Variants in LGR5 observed in about 807,000 individuals in gnomAD.
LGR5 encodes leucine rich repeat containing G protein-coupled receptor 5, also known as leucine-rich repeat-containing G protein-coupled receptor 5.
A neutral mutation model predicts 76.7 loss-of-function variants in LGR5; 54 were observed. The ratio of observed to expected loss-of-function variants is 0.70; its 90% confidence interval spans 0.57 to 0.88. LGR5 has a LOEUF of 0.88. LGR5 is among the 40% of genes least tolerant of loss of function. LGR5 has a pLI of 0.00. For synonymous variants in LGR5, 406 were observed against 421.9 expected, an observed-to-expected ratio of 0.96 and a Z score of 0.46; for missense variants, 1,078 against 1,073.3, an observed-to-expected ratio of 1.00 and a Z score of -0.06.
chr12:71,469,549 C>G (rs1873007206), intron 1 of LGR5, among the ~76,000 whole-genome samples: 1 of 152,224 alleles, frequency 6.6e-6, no homozygotes, highest in South Asian at 2.1e-4. Flanking sequence ...TGACAGTGAT[C>G]TGACAGAAAG....
In LGR5 at chr12:71,517,002, T is replaced by TA. The variant is rs11321068; in HGVS notation, c.285-7389dup. On this transcript the variant is annotated intron_variant, in intron 2 of 17. Transcript: ENST00000266674. ...GAAATAATAATTTTAGAAACAGCATTAAAAAAAAAAAAAAACTTCTGACCA... is the reference window on the plus strand; with the variant it reads ...GAAATAATAATTTTAGAAACAGCATTAAAAAAAAAAAAAAAACTTCTGACCA... Among the ~76,000 whole-genome samples, 830 of 144,632 alleles carry TA rather than the reference T, an allele frequency of 5.7e-3. 5 individuals carry two copies. The highest frequency in any genetic ancestry group is 0.014 in the African/African-American group (533 of 39,368). 94.9% of individuals were successfully genotyped at this position (144,632 alleles called of 152,430 possible).
rs1173849099 is a variant in LGR5, at chr12:71,584,500, T to A, written c.2490T>A (p.Asp830Glu). Reference protein sequence around the residue: ...YILFNPHFKEDLVSLRKQTYV... With the variant: ...YILFNPHFKEELVSLRKQTYV... Reference sequence around the variant, plus strand: ...TGTTCAATCCTCACTTTAAGGAGGATCTGGTGAGCCTGAGAAAGCAAACCT... The same window carrying A: ...TGTTCAATCCTCACTTTAAGGAGGAACTGGTGAGCCTGAGAAAGCAAACCT... Residue 830 changes from aspartate to glutamate, a missense_variant, in exon 18 of 18, where the codon GAT becomes GAA. Asp to Glu is a conservative substitution (Grantham distance 45). Coordinates refer to ENST00000266674, the MANE Select transcript of LGR5 (RefSeq NM_003667.4). The A allele has an allele frequency of 6.2e-7, 1 of 1,614,188 alleles. No individual in the cohort carries two copies. The highest frequency in any genetic ancestry group is 8.5e-7 in the Non-Finnish European group (1 of 1,180,030).
intron 1 of LGR5, among the ~76,000 whole-genome samples, chr12:71,486,847 C>T (rs1053628783): frequency 2.0e-5 from 3 of 151,932 alleles, no homozygotes; most frequent in African/African-American, 7.3e-5. Flanking sequence ...AAGAGGGGCT[C>T]TTACAATAGA....
intron 1 of LGR5, among the ~76,000 whole-genome samples, chr12:71,474,695 C>T (rs1012910101): frequency 6.6e-6 from 1 of 152,176 alleles, no homozygotes; most frequent in South Asian, 2.1e-4. Context: ...TTTCACATGA[C>T]AGTATGTGGA....
chr12:71,469,418 A>G (rs1872997236), intron 1 of LGR5, among the ~76,000 whole-genome samples: 1 of 152,204 alleles, frequency 6.6e-6, no homozygotes, highest in African/African-American at 2.4e-5. Flanking sequence ...GAGATGAGTC[A>G]CTGTGTGCTG....
chr12:71,572,913 C>T lies in LGR5; in HGVS notation c.1200C>T (p.Leu400=), dbSNP rs1384473812. 1 of 1,613,092 alleles carries T rather than the reference C, an allele frequency of 6.2e-7. No individual in the cohort carries two copies. Among genetic ancestry groups the T allele is most frequent in the African/African-American group, 1.3e-5 (1 of 74,916 alleles). Residue 400 remains leucine, a synonymous_variant, in exon 13 of 18, where the codon CTC becomes CTT. Coordinates refer to ENST00000266674, the MANE Select transcript of LGR5 (RefSeq NM_003667.4). The part of the protein sequence containing the change: ...KVDTFQQLLS[L]RSLNLAWNKI... ...ACACTTTCCAGCAGTTGCTTAGCCT[C>T]CGATCGCTGTGAGTATCACCTCCCA...
intron 1 of LGR5, among the ~76,000 whole-genome samples, chr12:71,491,404 G>A (rs1340529425): frequency 6.6e-6 from 1 of 151,012 alleles, no homozygotes; most frequent in Non-Finnish European, 1.5e-5. Flanking sequence ...CTTTTTTTTT[G>A]TTCAGGTGAG....
At chr12:71,548,029 A>G (rs1877282127) in intron 4 of LGR5, among the ~76,000 whole-genome samples, 1 of 152,148 alleles carries the variant, frequency 6.6e-6, no homozygotes, top group Non-Finnish European at 1.5e-5. Context: ...TATAGTGATC[A>G]CTTTTCAGAT....
chr12:71,530,143 A>G (rs998385283), intron 3 of LGR5, among the ~76,000 whole-genome samples: 15 of 152,146 alleles, frequency 9.9e-5, no homozygotes, highest in Non-Finnish European at 2.1e-4. Flanking sequence ...TTTTTCTTTG[A>G]AATAATGTGT....
At chr12:71,511,490 T>A (rs75444391) in intron 2 of LGR5, among the ~76,000 whole-genome samples, 1,903 of 152,220 alleles carry the variant, frequency 0.013, 17 homozygotes, top group Middle Eastern at 0.037. Flanking sequence ...AGGCTAGTGG[T>A]TCTCGAAATC....
chr12:71,507,614 G>A (rs571607909), intron 2 of LGR5, among the ~76,000 whole-genome samples: 1 of 152,218 alleles, frequency 6.6e-6, no homozygotes, highest in South Asian at 2.1e-4. Context: ...GTCCAAAATA[G>A]TCTTCGATAA....
At chr12:71,543,690 G>T (rs1876997196) in intron 4 of LGR5, among the ~76,000 whole-genome samples, 1 of 152,208 alleles carries the variant, frequency 6.6e-6, no homozygotes, top group South Asian at 2.1e-4. Flanking sequence ...GCAGCCTACA[G>T]GATTAATTGA....
At chr12:71,480,437 T>A (rs890442563) in intron 1 of LGR5, among the ~76,000 whole-genome samples, 12 of 149,312 alleles carry the variant, frequency 8.0e-5, no homozygotes, top group Non-Finnish European at 1.2e-4. Flanking sequence ...CTAGAGAGAG[T>A]TGGTGAACGC....
chr12:71,504,404 T>C (rs1213559150), intron 1 of LGR5, among the ~76,000 whole-genome samples: 2 of 152,144 alleles, frequency 1.3e-5, no homozygotes, highest in East Asian at 3.8e-4. Flanking sequence ...AAGTTCCTCC[T>C]AGGGTCTCTA....
At chr12:71,457,736 T>C (rs1872542134) in intron 1 of LGR5, among the ~76,000 whole-genome samples, 1 of 152,172 alleles carries the variant, frequency 6.6e-6, no homozygotes, top group African/African-American at 2.4e-5. Context: ...GGTGCAATTA[T>C]TGTCTGGTCC....
intron 1 of LGR5, chr12:71,448,776 T>C (rs1872128531): frequency 2.6e-5 from 4 of 152,266 alleles, no homozygotes; most frequent in Non-Finnish European, 5.9e-5. Flanking sequence ...TATTTCACAG[T>C]ATTTGTTGAG....
chr12:71,462,739 G>T (rs148224113), intron 1 of LGR5, among the ~76,000 whole-genome samples: 4 of 152,002 alleles, frequency 2.6e-5, no homozygotes, highest in Non-Finnish European at 4.4e-5. Context: ...GACTAATTCC[G>T]TCTTCCTCTT....
intron 1 of LGR5, among the ~76,000 whole-genome samples, chr12:71,460,576 G>A (rs960083364): frequency 1.3e-5 from 2 of 152,104 alleles, no homozygotes; most frequent in Non-Finnish European, 2.9e-5. Context: ...GCTCATTTTA[G>A]TGAATGCATC....
intron 2 of LGR5, among the ~76,000 whole-genome samples, chr12:71,524,127 G>A (rs1592512070): frequency 6.6e-6 from 1 of 152,142 alleles, no homozygotes; most frequent in Non-Finnish European, 1.5e-5. Context: ...CTTAAAAATT[G>A]TTTAAAGGAC....
Sources: allele counts gnomAD v4.1 joint callset (sites outside exome capture counted in the v4.1 genomes callset), GRCh38; gene constraint gnomAD v4.1.1; transcripts MANE v1.5; gene names NCBI Gene and HGNC (gene_info 2026-07-23, HGNC 2026-07-21).